Variants in CAMK1D observed in about 807,000 individuals in gnomAD.
CAMK1D encodes the protein calcium/calmodulin-dependent protein kinase type 1D.
A neutral mutation model predicts 47.7 loss-of-function variants in CAMK1D; 9 were observed. The ratio of observed to expected loss-of-function variants is 0.19; its 90% CI spans 0.11 to 0.33. The LOEUF (loss-of-function observed/expected upper bound fraction) is 0.33. CAMK1D is among the 10% of genes least tolerant of loss of function. CAMK1D has a pLI of 1.00. For missense variants in CAMK1D, 291 were observed against 488.7 expected, an observed-to-expected ratio of 0.60 and a Z score of 3.81; for synonymous variants, 184 against 184.9, an observed-to-expected ratio of 0.99 and a Z score of 0.04.
At position 12,614,382 on chromosome 10, in the gene CAMK1D, A is replaced by G. The variant is rs78603910; in HGVS notation, c.225-52354A>G. On this transcript the variant is annotated intron_variant, in intron 2 of 10. Transcript: ENST00000619168. ...ATAGGCAACTGTGGATTGACACTAT[A>G]TACACATTTAAGCAAATGCAACCAT... 3.7e-3 allele frequency among the ~76,000 whole-genome samples: 568 copies of G among 152,348 alleles called. 4 individuals carry two copies. In the East Asian group the frequency reaches 0.053, roughly 14 times the overall value.
rs941885958 is a variant in CAMK1D at position 12,399,347 on chromosome 10, T to C, written c.92+49437T>C. 3.9e-5 allele frequency among the ~76,000 whole-genome samples: 6 copies of C among 151,970 alleles called. No individual in the cohort carries two copies. In the South Asian group the frequency reaches 1.0e-3, roughly 26 times the overall value. ...GGTGAAACCCTGTCTCTACTAAAAA[T>C]ACAAAAATTAGCTGGGTGTGGTGGC... On this transcript the variant is annotated intron_variant, in intron 1 of 10. Transcript: ENST00000619168.
chr10:12,614,798 A>G (rs1459150315), intron 2 of CAMK1D, among the ~76,000 whole-genome samples: 1 of 152,186 alleles, frequency 6.6e-6, no homozygotes, highest in African/African-American at 2.4e-5. Flanking sequence ...AGCTGTTGTT[A>G]TACTGGGAAT....
chr10:12,621,315 A>G (rs748256321), intron 2 of CAMK1D, among the ~76,000 whole-genome samples: 3 of 152,144 alleles, frequency 2.0e-5, no homozygotes, highest in Non-Finnish European at 4.4e-5. Flanking sequence ...GGCTACAAAA[A>G]TTTTTTGTTA....
chr10:12,396,407 C>T (rs745850021), intron 1 of CAMK1D, among the ~76,000 whole-genome samples: 13 of 152,216 alleles, frequency 8.5e-5, no homozygotes, highest in Non-Finnish European at 1.8e-4. Flanking sequence ...TTCTCCCTCT[C>T]AGGGCTTATG....
At chr10:12,499,580 G>T (rs1345872822) in intron 1 of CAMK1D, among the ~76,000 whole-genome samples, 1 of 152,176 alleles carries the variant, frequency 6.6e-6, no homozygotes, top group Non-Finnish European at 1.5e-5. Flanking sequence ...GCACACACAG[G>T]ATTTTATGAT....
intron 2 of CAMK1D, among the ~76,000 whole-genome samples, chr10:12,579,303 T>G (rs1837592099): frequency 6.6e-6 from 1 of 152,210 alleles, no homozygotes; most frequent in East Asian, 1.9e-4. Context: ...TCCCTTCCTT[T>G]CCTTTCCTTC....
intron 10 of CAMK1D, among the ~76,000 whole-genome samples, chr10:12,828,329 G>A (rs772118299): frequency 2.0e-4 from 30 of 150,898 alleles, no homozygotes; most frequent in Non-Finnish European, 2.2e-4. Flanking sequence ...GGTAAAAATA[G>A]TCACACGGGT....
intron 1 of CAMK1D, among the ~76,000 whole-genome samples, chr10:12,362,003 T>TTTCTTTCTTCCCCC (rs1283665057): frequency 6.6e-6 from 1 of 152,200 alleles, no homozygotes; most frequent in Non-Finnish European, 1.5e-5. Flanking sequence ...AAGCTGCTTC[T>TTTCTTTCTTCCCCC]TTCTTTCTTC....
intron 1 of CAMK1D, among the ~76,000 whole-genome samples, chr10:12,369,317 A>T (rs1246581960): frequency 6.6e-6 from 1 of 152,222 alleles, no homozygotes; most frequent in Non-Finnish European, 1.5e-5. Flanking sequence ...CAACAAAACC[A>T]TCAGATAGGA....
At chr10:12,602,498 A>C (rs1387231501) in intron 2 of CAMK1D, among the ~76,000 whole-genome samples, 1 of 152,188 alleles carries the variant, frequency 6.6e-6, no homozygotes, top group Non-Finnish European at 1.5e-5. Flanking sequence ...GACAGGAGCT[A>C]TATTTGTAGG....
At chr10:12,638,546 G>A (rs1273575664) in intron 2 of CAMK1D, among the ~76,000 whole-genome samples, 1 of 152,054 alleles carries the variant, frequency 6.6e-6, no homozygotes, top group East Asian at 1.9e-4. Flanking sequence ...CTCTCCATCC[G>A]GAAGCCTTCC....
At chr10:12,723,756 CTTTT>C (rs548568962) in intron 3 of CAMK1D, among the ~76,000 whole-genome samples, 100 of 152,078 alleles carry the variant, frequency 6.6e-4, no homozygotes, top group African/African-American at 2.4e-3. Context: ...TTTTGACATT[CTTTT>C]TTTATATTTT....
intron 3 of CAMK1D, among the ~76,000 whole-genome samples, chr10:12,694,918 A>T (rs1435166428): frequency 6.6e-6 from 1 of 152,080 alleles, no homozygotes; most frequent in Non-Finnish European, 1.5e-5. Flanking sequence ...ACTGTCATGG[A>T]TGTGTAAGTG....
chr10:12,479,780 T>C (rs1588534583), intron 1 of CAMK1D, among the ~76,000 whole-genome samples: 2 of 152,100 alleles, frequency 1.3e-5, no homozygotes, highest in Admixed American at 1.3e-4. Flanking sequence ...CATGCATGGG[T>C]GTACCAAGGC....
intron 1 of CAMK1D, among the ~76,000 whole-genome samples, chr10:12,410,159 G>A (rs1192174287): frequency 2.0e-5 from 3 of 152,076 alleles, no homozygotes; most frequent in African/African-American, 4.8e-5. Context: ...ATTCTCATCC[G>A]ATTAGTTTGC....
chr10:12,402,338 A>T (rs1055512694), intron 1 of CAMK1D, among the ~76,000 whole-genome samples: 1 of 151,560 alleles, frequency 6.6e-6, no homozygotes, highest in Admixed American at 6.6e-5. Flanking sequence ...GGCTCAATTG[A>T]TCCTCCCACC....
intron 1 of CAMK1D, among the ~76,000 whole-genome samples, chr10:12,539,438 G>C (rs894208707): frequency 6.6e-6 from 1 of 152,184 alleles, no homozygotes; most frequent in African/African-American, 2.4e-5. Context: ...GCCAGATGAG[G>C]GATGGCCAGT....
intron 3 of CAMK1D, among the ~76,000 whole-genome samples, chr10:12,729,130 T>G (rs899046554): frequency 1.3e-5 from 2 of 152,182 alleles, no homozygotes; most frequent in Non-Finnish European, 2.9e-5. Context: ...ATTCCAAGAA[T>G]AAAGGAGCTT....
intron 1 of CAMK1D, among the ~76,000 whole-genome samples, chr10:12,515,169 T>C (rs1163316795): frequency 1.3e-5 from 2 of 152,070 alleles, no homozygotes; most frequent in Non-Finnish European, 2.9e-5. Flanking sequence ...GCCTAGCCTT[T>C]CTTTTTAAAA....
Sources: gnomAD v4.1 joint callset for allele counts (sites outside exome capture counted in the v4.1 genomes callset) on GRCh38, gnomAD v4.1.1 for gene constraint, MANE v1.5 for transcripts, NCBI Gene and HGNC (gene_info 2026-07-23, HGNC 2026-07-21) for gene names.